KCNMA1: variants seen among roughly 807,000 people sequenced by gnomAD.
KCNMA1 encodes potassium calcium-activated channel subfamily M alpha 1.
Under a neutral mutation model 140.0 loss-of-function variants are expected in KCNMA1, and 29 were observed. The observed-to-expected ratio is 0.21, with a 90% confidence interval of 0.15 to 0.28. KCNMA1 has a LOEUF of 0.28. KCNMA1 is among the 10% of genes least tolerant of loss of function. The pLI, the probability that KCNMA1 is intolerant of heterozygous loss-of-function variation, is 1.00. For missense variants in KCNMA1, 880 were observed against 1,602.2 expected (o/e 0.55, Z 7.70); for synonymous variants, 612 against 611.9 (o/e 1.00, Z 0.00).
chr10:76,972,904 G>A (rs141496140), intron 19 of KCNMA1: 2 of 152,238 alleles, frequency 1.3e-5, no homozygotes, highest in South Asian at 2.1e-4. Flanking sequence ...CCTTTATATG[G>A]ATCCTATCAA....
intron 3 of KCNMA1, among the ~76,000 whole-genome samples, chr10:77,240,433 G>C (rs1452060942): frequency 2.6e-5 from 4 of 152,168 alleles, no homozygotes; most frequent in Admixed American, 2.6e-4. Flanking sequence ...ATCTTAGAGA[G>C]AGAAGGGGTC....
At chr10:77,520,507 A>C (rs2052990087) in intron 1 of KCNMA1, among the ~76,000 whole-genome samples, 1 of 151,948 alleles carries the variant, frequency 6.6e-6, no homozygotes, top group South Asian at 2.1e-4. Flanking sequence ...AGGTAGCAGC[A>C]CTCTCTAAGT....
intron 1 of KCNMA1, among the ~76,000 whole-genome samples, chr10:77,501,829 C>A: frequency 6.6e-6 from 1 of 152,336 alleles, no homozygotes; most frequent in South Asian, 2.1e-4. Flanking sequence ...TGTCTGTGAG[C>A]AGACCAGGGT....
chr10:77,553,980 T>G (rs916426327), intron 1 of KCNMA1, among the ~76,000 whole-genome samples: 1 of 152,024 alleles, frequency 6.6e-6, no homozygotes, highest in Non-Finnish European at 1.5e-5. Flanking sequence ...TCGACTTTTT[T>G]TTTTTTTAAG....
chr10:77,525,421 T>C (rs1446906818), intron 1 of KCNMA1, among the ~76,000 whole-genome samples: 5 of 152,110 alleles, frequency 3.3e-5, no homozygotes. Flanking sequence ...GGAGACTCAA[T>C]GGTTGATCAA....
chr10:77,311,238 C>T (rs1339746474), intron 2 of KCNMA1, among the ~76,000 whole-genome samples: 2 of 152,232 alleles, frequency 1.3e-5, no homozygotes, highest in African/African-American at 4.8e-5. Flanking sequence ...TCTGCTGCTC[C>T]TCCAGCTTTC....
chr10:76,948,288 T>A (rs1371739642), intron 22 of KCNMA1, among the ~76,000 whole-genome samples: 3 of 152,170 alleles, frequency 2.0e-5, no homozygotes, highest in African/African-American at 7.2e-5. Context: ...TTACAGGGAT[T>A]AGCCACTGCA....
intron 1 of KCNMA1, among the ~76,000 whole-genome samples, chr10:77,520,330 G>A (rs2052907651): frequency 6.6e-6 from 1 of 150,886 alleles, no homozygotes; most frequent in Non-Finnish European, 1.5e-5. Flanking sequence ...TATCCAGTGT[G>A]AGGTCTGGGG....
rs1368777797 is a variant in KCNMA1, at chr10:77,155,861, G to A, written c.808+27560C>T. Reference sequence around the variant, plus strand: ...TACATAACTAAGAAGTGAGGGGAAAGGATGGGGGAGAAAATGAAATGTCAT... The same window carrying A: ...TACATAACTAAGAAGTGAGGGGAAAAGATGGGGGAGAAAATGAAATGTCAT... On this transcript the variant is annotated intron_variant, in intron 5 of 27. Transcript: ENST00000286628. Among the ~76,000 whole-genome samples the A allele has an allele frequency of 2.0e-5, 3 of 152,132 alleles. No individual in the cohort carries two copies. The East Asian group carries it at 5.8e-4, about 29-fold the overall frequency.
intron 2 of KCNMA1, among the ~76,000 whole-genome samples, chr10:77,264,701 T>C (rs1316486690): frequency 6.6e-6 from 1 of 152,186 alleles, no homozygotes; most frequent in African/African-American, 2.4e-5. Flanking sequence ...CAAATTTATA[T>C]GTGAGGAGAA....
At chr10:77,050,243 A>G (rs901270726) in intron 14 of KCNMA1, among the ~76,000 whole-genome samples, 2 of 152,012 alleles carry the variant, frequency 1.3e-5, no homozygotes, top group Admixed American at 6.6e-5. Context: ...CCTAAATTCT[A>G]AAATTGAGGC....
chr10:77,031,124 G>A (rs190866119), intron 15 of KCNMA1, among the ~76,000 whole-genome samples: 10 of 152,328 alleles, frequency 6.6e-5, no homozygotes, highest in South Asian at 6.2e-4. Context: ...AGTCTTTGAC[G>A]CAATGTGCTG....
intron 5 of KCNMA1, among the ~76,000 whole-genome samples, chr10:77,129,342 T>C (rs2097803493): frequency 6.6e-6 from 1 of 152,230 alleles, no homozygotes; most frequent in African/African-American, 2.4e-5. Flanking sequence ...TTATTTTCTT[T>C]TTTTAACCTC....
At chr10:77,214,475 ACTGT>A (rs753488361) in intron 3 of KCNMA1, among the ~76,000 whole-genome samples, 6 of 152,166 alleles carry the variant, frequency 3.9e-5, no homozygotes, top group Non-Finnish European at 7.4e-5. Flanking sequence ...TCAGCCCTGT[ACTGT>A]CTAACTGTAC....
At chr10:77,240,008 A>C (rs1599678705) in intron 3 of KCNMA1, among the ~76,000 whole-genome samples, 1 of 152,222 alleles carries the variant, frequency 6.6e-6, no homozygotes, top group Admixed American at 6.5e-5. Flanking sequence ...GTTTCCAATA[A>C]TTACTAACAC....
intron 1 of KCNMA1, among the ~76,000 whole-genome samples, chr10:77,442,329 C>A (rs1207300922): frequency 6.6e-6 from 1 of 152,000 alleles, no homozygotes; most frequent in Non-Finnish European, 1.5e-5. Context: ...GCCAGGCACC[C>A]AGGGTTCCCC....
intron 5 of KCNMA1, among the ~76,000 whole-genome samples, chr10:77,169,948 T>C (rs1274492773): frequency 6.6e-6 from 1 of 152,222 alleles, no homozygotes; most frequent in Non-Finnish European, 1.5e-5. Flanking sequence ...CCCAGTACTT[T>C]GGGAGACCGA....
At chr10:77,288,725 A>G (rs2071965325) in intron 2 of KCNMA1, among the ~76,000 whole-genome samples, 1 of 152,176 alleles carries the variant, frequency 6.6e-6, no homozygotes, top group South Asian at 2.1e-4. Flanking sequence ...AGTGCCTCTC[A>G]ATAATGGTTA....
chr10:76,978,192 T>C (rs1450017210), intron 19 of KCNMA1, among the ~76,000 whole-genome samples: 2 of 152,218 alleles, frequency 1.3e-5, no homozygotes, highest in African/African-American at 4.8e-5. Context: ...GCTGTCTCTT[T>C]GTTAACAGGA....
Sources: allele counts gnomAD v4.1 joint callset (sites outside exome capture counted in the v4.1 genomes callset), GRCh38; gene constraint gnomAD v4.1.1; transcripts MANE v1.5; gene names NCBI Gene and HGNC (gene_info 2026-07-23, HGNC 2026-07-21).